Variants in RNF216 observed in about 807,000 individuals in gnomAD.
The protein encoded by RNF216 is E3 ubiquitin-protein ligase RNF216.
A neutral mutation model predicts 110.8 loss-of-function variants in RNF216; 72 were observed. The observed-to-expected ratio is 0.65, with a 90% CI of 0.54 to 0.79. The LOEUF (loss-of-function observed/expected upper bound fraction) is 0.79. Among genes scored for constraint, RNF216 ranks in the 30% least tolerant of loss-of-function variants. RNF216 has a pLI of 0.00. For missense variants in RNF216, 1,342 were observed against 1,141.2 expected, an observed-to-expected ratio of 1.18 and a Z score of -2.54; for synonymous variants, 495 against 407.5, an observed-to-expected ratio of 1.21 and a Z score of -2.59.
Position 5,695,528 on chromosome 7 carries a change from G to A in RNF216, c.2061+16233C>T, listed in dbSNP as rs540765907. Among the ~76,000 whole-genome samples the A allele has an allele frequency of 1.3e-4, 20 of 152,280 alleles. No individual in the cohort carries two copies. In the East Asian group the frequency reaches 3.1e-3, roughly 24 times the overall value. ...ACTGCTGAGAGTGCCTCTCCCTGCC[G>A]GTCTCCTGCTCTCTCTCTGCAGAGC... On this transcript the variant is annotated intron_variant, in intron 13 of 16. Coordinates refer to ENST00000389902, the MANE Select transcript of RNF216 (RefSeq NM_207111.4).
intron 5 of RNF216, among the ~76,000 whole-genome samples, chr7:5,731,020 A>G (rs1794056310): frequency 6.6e-6 from 1 of 152,254 alleles, no homozygotes; most frequent in Admixed American, 6.5e-5. Context: ...AAGACAAAAA[A>G]ATTTAAAAAG....
chr7:5,703,954 C>T (rs991415017), intron 13 of RNF216, among the ~76,000 whole-genome samples: 1 of 152,308 alleles, frequency 6.6e-6, no homozygotes. Flanking sequence ...GAAGCATCAC[C>T]TTCAAATCTC....
rs569902004 is a variant in RNF216, at chr7:5,626,776, C to G, written c.2383-2651G>C. 7.9e-5 allele frequency among the ~76,000 whole-genome samples: 12 copies of G among 152,238 alleles called. No individual in the cohort carries two copies. The South Asian group carries it at 2.5e-3, about 32-fold the overall frequency. Reference sequence around the variant, plus strand: ...TGAGCTCGGCAGGTTCCTGAGTATCCCTGCGTCCAGGAAGCTCATCTGTAA... The same window carrying G: ...TGAGCTCGGCAGGTTCCTGAGTATCGCTGCGTCCAGGAAGCTCATCTGTAA... On this transcript the variant is annotated intron_variant, in intron 15 of 16. Transcript: ENST00000389902.
At chr7:5,774,418 G>A (rs981705556) in intron 1 of RNF216, among the ~76,000 whole-genome samples, 7 of 151,972 alleles carry the variant, frequency 4.6e-5, no homozygotes, top group African/African-American at 1.7e-4. Context: ...CAGCATAGGC[G>A]GCAGAGGGAG....
Position 5,705,917 on chromosome 7 carries a change from T to TAAAACAAAAC in RNF216, c.2061+5834_2061+5843dup, listed in dbSNP as rs55645443. 5.1e-3 allele frequency among the ~76,000 whole-genome samples: 728 copies of TAAAACAAAAC among 144,068 alleles called. 4 individuals carry two copies. Among genetic ancestry groups the TAAAACAAAAC allele is most frequent in the African/African-American group, 0.014 (535 of 38,442 alleles). 94.5% of individuals were successfully genotyped at this position (144,068 alleles called of 152,430 possible). A position where few individuals can be genotyped will look rare whatever the true frequency, so the allele number is the denominator to read the frequency against. ...AGCGAAACTCCATCTCAACAAAAAC[T>TAAAACAAAAC]AAAACAAAACAAAACAAAACAAAAC... is the stretch of plus-strand genomic sequence containing the variant. On this transcript the variant is annotated intron_variant, in intron 13 of 16. Coordinates refer to ENST00000389902, the MANE Select transcript of RNF216 (RefSeq NM_207111.4).
At chr7:5,723,423 G>A (rs1197674732) in intron 8 of RNF216, among the ~76,000 whole-genome samples, 2 of 152,064 alleles carry the variant, frequency 1.3e-5, no homozygotes, top group African/African-American at 4.8e-5. Flanking sequence ...CGAGGCGGGC[G>A]GATCACGAGG....
At chr7:5,626,286 A>T (rs1786696686) in intron 15 of RNF216, among the ~76,000 whole-genome samples, 1 of 152,146 alleles carries the variant, frequency 6.6e-6, no homozygotes, top group Non-Finnish European at 1.5e-5. Context: ...GCAGTAACTC[A>T]AGAGGGTTGG....
chr7:5,743,613 CACAA>C (rs1006273676), intron 3 of RNF216, among the ~76,000 whole-genome samples: 1 of 152,120 alleles, frequency 6.6e-6, no homozygotes, highest in African/African-American at 2.4e-5. Flanking sequence ...GTCAATAAGA[CACAA>C]ACAAAATCAT....
rs1201078083 is a variant in RNF216, at chr7:5,642,032, T to TAAA, written c.2160-659_2160-657dup. ...TATGTAACAGAGTGAGACTCTATCT[T>TAAA]AAAAAAAAAAAAAGAAAAAAAAAAA... On this transcript the variant is annotated intron_variant, in intron 14 of 16. Transcript: ENST00000389902. Among the ~76,000 whole-genome samples the TAAA allele has an allele frequency of 2.6e-4, 26 of 98,370 alleles. 1 individual carries two copies. Among genetic ancestry groups the TAAA allele is most frequent in the African/African-American group, 6.4e-4 (14 of 22,028 alleles). The allele number at this position is 98,370 out of a possible 152,430, so 64.5% of individuals were successfully genotyped here.
chr7:5,729,778 T>C (rs980579554), intron 6 of RNF216, among the ~76,000 whole-genome samples, 182 bp from the exon 7 acceptor site: 1 of 152,178 alleles, frequency 6.6e-6, no homozygotes, highest in African/African-American at 2.4e-5. Context: ...AACAAACCTG[T>C]CTGGAGCCGA....
intron 13 of RNF216, among the ~76,000 whole-genome samples, chr7:5,708,185 G>C (rs1406666701): frequency 6.6e-6 from 1 of 152,230 alleles, no homozygotes; most frequent in Non-Finnish European, 1.5e-5. Context: ...AATGTTCCAT[G>C]CGCAACAGAG....
At chr7:5,727,887 G>A (rs953600713) in intron 7 of RNF216, among the ~76,000 whole-genome samples, 2 of 151,276 alleles carry the variant, frequency 1.3e-5, no homozygotes, top group African/African-American at 4.9e-5. Context: ...TGGCTGGTGA[G>A]ATTTTCCATA....
At chr7:5,627,620 G>A (rs1038688978) in intron 15 of RNF216, among the ~76,000 whole-genome samples, 3 of 152,010 alleles carry the variant, frequency 2.0e-5, no homozygotes, top group Admixed American at 6.6e-5. Context: ...GGTGGTACAC[G>A]CCTATAATCC....
At chr7:5,708,505 T>C (rs1792444621) in intron 13 of RNF216, among the ~76,000 whole-genome samples, 3 of 152,212 alleles carry the variant, frequency 2.0e-5, no homozygotes, top group South Asian at 4.1e-4. Flanking sequence ...GAAACTGTAA[T>C]TCAAGTACCC....
chr7:5,706,219 C>CA (rs56894423), intron 13 of RNF216, among the ~76,000 whole-genome samples: 3,600 of 69,982 alleles, frequency 0.051, 120 homozygotes, highest in African/African-American at 0.095. Flanking sequence ...CACTCCATCT[C>CA]AAAAAAAAAA....
chr7:5,654,832 T>C (rs193155774), intron 13 of RNF216, among the ~76,000 whole-genome samples: 70 of 151,040 alleles, frequency 4.6e-4, no homozygotes, highest in African/African-American at 1.6e-3. Context: ...TCCCATTCAG[T>C]AAACAAAGGT....
chr7:5,760,588 T>C, intron 2 of RNF216: 1 of 280,368 alleles, frequency 3.6e-6, no homozygotes, highest in Admixed American at 4.7e-5. Context: ...CCCTCAAGGC[T>C]AAGCCAGAAT....
At chr7:5,760,708 C>T (rs1176931378) in intron 2 of RNF216, among the ~76,000 whole-genome samples, 3 of 152,166 alleles carry the variant, frequency 2.0e-5, no homozygotes, top group Non-Finnish European at 2.9e-5. Context: ...ATAATCACCA[C>T]GCCTTCAAAA....
chr7:5,678,414 C>G (rs1480465171), intron 13 of RNF216, among the ~76,000 whole-genome samples: 2 of 152,154 alleles, frequency 1.3e-5, no homozygotes, highest in East Asian at 1.9e-4. Flanking sequence ...AAGGACTGAC[C>G]TACGTTACCA....
Sources: gnomAD v4.1 joint callset for allele counts (sites outside exome capture counted in the v4.1 genomes callset) on GRCh38, gnomAD v4.1.1 for gene constraint, MANE v1.5 for transcripts, NCBI Gene and HGNC (gene_info 2026-07-23, HGNC 2026-07-21) for gene names.